Variants in MGAT4C observed in about 807,000 individuals in gnomAD.
MGAT4C encodes the protein MGAT4 family member C.
In MGAT4C, 19 loss-of-function variants were observed where a neutral mutation model predicts 40.1. The observed-to-expected ratio is 0.47, with a 90% CI of 0.33 to 0.70. The LOEUF (loss-of-function observed/expected upper bound fraction) is 0.70. Ranked by LOEUF, MGAT4C falls within the 30% of genes least tolerant of loss-of-function variation. The pLI is 0.02. For missense variants in MGAT4C, 491 were observed against 563.2 expected (o/e 0.87, Z 1.30); for synonymous variants, 181 against 187.1 (o/e 0.97, Z 0.27).
chr12:86,282,028 T>A (rs1407858358), intron 4 of MGAT4C, among the ~76,000 whole-genome samples: 1 of 152,200 alleles, frequency 6.6e-6, no homozygotes, highest in African/African-American at 2.4e-5. Flanking sequence ...ATATTTCAAT[T>A]ATAGCATTTT....
intron 2 of MGAT4C, among the ~76,000 whole-genome samples, chr12:86,045,391 CACTCATATGCATT>C (rs1892296380): frequency 6.6e-6 from 1 of 152,182 alleles, no homozygotes; most frequent in Non-Finnish European, 1.5e-5. Flanking sequence ...TGAACCATGT[CACTCATATGCATT>C]ACTTGCATGA....
chr12:86,503,722 ATAT>A (rs1592927200), intron 2 of MGAT4C, among the ~76,000 whole-genome samples: 1 of 82,692 alleles, frequency 1.2e-5, no homozygotes, highest in East Asian at 4.6e-4. Context: ...ATATATATAT[ATAT>A]GAGTTCTGCT....
intron 1 of MGAT4C, among the ~76,000 whole-genome samples, chr12:86,076,769 G>A (rs1869810249): frequency 1.3e-5 from 2 of 152,104 alleles, no homozygotes. Flanking sequence ...ACCTCCCTCT[G>A]GGTCACAACC....
At chr12:86,400,178 C>G (rs1325775009) in intron 3 of MGAT4C, among the ~76,000 whole-genome samples, 2 of 152,164 alleles carry the variant, frequency 1.3e-5, no homozygotes, top group African/African-American at 4.8e-5. Context: ...CCCTTTTGGT[C>G]ACAGAAGTCT....
intron 1 of MGAT4C, among the ~76,000 whole-genome samples, chr12:86,070,591 G>A (rs922782066): frequency 4.6e-5 from 7 of 151,992 alleles, no homozygotes; most frequent in African/African-American, 1.7e-4. Flanking sequence ...AATTTGTACA[G>A]GTGGCAGCAG....
chr12:86,699,782 AATTT>A (rs1555220775), intron 2 of MGAT4C, among the ~76,000 whole-genome samples: 1 of 152,040 alleles, frequency 6.6e-6, no homozygotes, highest in Non-Finnish European at 1.5e-5. Flanking sequence ...AAAAGTAGAA[AATTT>A]ATTTACCATG....
At chr12:86,432,811 A>G (rs1957066093) in intron 3 of MGAT4C, among the ~76,000 whole-genome samples, 1 of 152,166 alleles carries the variant, frequency 6.6e-6, no homozygotes, top group South Asian at 2.1e-4. Flanking sequence ...AAAGTGTAAC[A>G]AAACTGTCTC....
chr12:85,981,500 C>T (rs1884601709), intron 4 of MGAT4C, among the ~76,000 whole-genome samples: 1 of 152,100 alleles, frequency 6.6e-6, no homozygotes, highest in Non-Finnish European at 1.5e-5. Flanking sequence ...CGTTTAAATA[C>T]CTTGGCTTAC....
rs1274321893 is a variant in MGAT4C, at chr12:85,977,139, G to A, written c.*2150C>T. 1 of 151,250 alleles carries A rather than the reference G, an allele frequency of 6.6e-6. No individual in the cohort carries two copies. 9.4% of individuals were successfully genotyped at this position (151,250 alleles called of 1,614,324 possible). ...CAACTTCACTGCTACCCTCAGCAAT[G>A]TTTCTTGAAACATTTTTAAGACATT... On this transcript the variant is annotated 3_prime_UTR_variant, in exon 5 of 5. Transcript: ENST00000611864.
chr12:86,009,150 CTCTA>C (rs1888203131), intron 2 of MGAT4C, among the ~76,000 whole-genome samples: 1 of 152,094 alleles, frequency 6.6e-6, no homozygotes, highest in Non-Finnish European at 1.5e-5. Context: ...CTTCTGAGTA[CTCTA>C]TCTAATGACC....
Position 86,423,426 on chromosome 12 carries a change from T to C in MGAT4C, c.-120+11731A>G, listed in dbSNP as rs150857184. ...ACAAGTCTCAGAAAACATAAGGTAA[T>C]GATAGTGTTTTCAATTTTACCAACA... On this transcript the variant is annotated intron_variant, in intron 3 of 7. Coordinates refer to the MGAT4C transcript ENST00000548651. Among the ~76,000 whole-genome samples the C allele has an allele frequency of 5.8e-3, 879 of 151,978 alleles. 6 individuals carry two copies. Among genetic ancestry groups the C allele is most frequent in the African/African-American group, 0.02 (843 of 41,518 alleles).
chr12:86,119,722 CTT>C (rs11306440), intron 1 of MGAT4C, among the ~76,000 whole-genome samples: 247 of 122,108 alleles, frequency 2.0e-3, no homozygotes, highest in African/African-American at 4.3e-3. Flanking sequence ...TCCCACCATT[CTT>C]TTTTTTTTTT....
At position 86,111,499 on chromosome 12, in the gene MGAT4C, T is replaced by G. The variant is rs149134919; in HGVS notation, c.-56-61776A>C. ...CTCAGTTTTCCAGAGAGATGACAAATATGCCTAGCAATCCTCTATTTAATT... is the reference window on the plus strand; with the variant it reads ...CTCAGTTTTCCAGAGAGATGACAAAGATGCCTAGCAATCCTCTATTTAATT... On this transcript the variant is annotated intron_variant, in intron 1 of 4. Coordinates refer to ENST00000611864, the MANE Select transcript of MGAT4C (RefSeq NM_001351288.2). Among the ~76,000 whole-genome samples, 11 of 151,944 alleles carry G rather than the reference T, an allele frequency of 7.2e-5. No individual in the cohort carries two copies. The East Asian group carries it at 2.1e-3, about 29-fold the overall frequency.
intron 2 of MGAT4C, among the ~76,000 whole-genome samples, chr12:86,689,615 C>G (rs552854935): frequency 6.6e-6 from 1 of 152,144 alleles, no homozygotes; most frequent in Non-Finnish European, 1.5e-5. Context: ...CATTGCAGAC[C>G]CTTTTTGCCT....
At chr12:86,316,079 CAAAAAAAAAAAA>C (rs71076185) in intron 4 of MGAT4C, among the ~76,000 whole-genome samples, 3 of 34,060 alleles carry the variant, frequency 8.8e-5, no homozygotes, top group African/African-American at 1.1e-4. Flanking sequence ...ATACAAGCAG[CAAAAAAAAAAAA>C]AAAAAAAAAA....
chr12:86,476,713 A>G (rs879781164), intron 2 of MGAT4C, among the ~76,000 whole-genome samples: 11 of 152,140 alleles, frequency 7.2e-5, no homozygotes, highest in Middle Eastern at 3.2e-3. Flanking sequence ...TAAAGAAAAT[A>G]TGGTACATAT....
chr12:86,688,565 T>C (rs540875298), intron 2 of MGAT4C, among the ~76,000 whole-genome samples: 48 of 152,290 alleles, frequency 3.2e-4, no homozygotes, highest in African/African-American at 1.1e-3. Flanking sequence ...CCTCAGCAGT[T>C]GCTTGTCTGT....
At chr12:86,044,386 C>T (rs1056403013) in intron 2 of MGAT4C, among the ~76,000 whole-genome samples, 2 of 152,170 alleles carry the variant, frequency 1.3e-5, no homozygotes, top group African/African-American at 4.8e-5. Flanking sequence ...TGGTGGGTTA[C>T]ATGTTCATTG....
At chr12:86,748,993 C>T (rs1951195198) in intron 1 of MGAT4C, among the ~76,000 whole-genome samples, 1 of 149,176 alleles carries the variant, frequency 6.7e-6, no homozygotes, top group Non-Finnish European at 1.5e-5. Context: ...AAGTAGCTGA[C>T]ACATTGTTTT....
Sources: allele counts gnomAD v4.1 joint callset (sites outside exome capture counted in the v4.1 genomes callset), GRCh38; gene constraint gnomAD v4.1.1; transcripts MANE v1.5; gene names NCBI Gene and HGNC (gene_info 2026-07-23, HGNC 2026-07-21).